The following LDB2 variants were observed in gnomAD, a reference collection of about 807,000 sequenced individuals.
LDB2 encodes the protein LIM domain-binding protein 2.
Under a neutral mutation model 44.3 loss-of-function variants are expected in LDB2, and 12 were observed. The ratio of observed to expected loss-of-function variants is 0.27; its 90% confidence interval spans 0.17 to 0.44. The LOEUF (loss-of-function observed/expected upper bound fraction) is 0.44. Ranked by LOEUF, LDB2 falls within the 20% of genes least tolerant of loss-of-function variation. The pLI is 1.00. For missense variants in LDB2, 344 were observed against 473.5 expected (o/e 0.73, Z 2.54); for synonymous variants, 164 against 174.8 (o/e 0.94, Z 0.49).
intron 1 of LDB2, among the ~76,000 whole-genome samples, chr4:16,763,566 A>G (rs1181612366): frequency 2.0e-5 from 3 of 152,154 alleles, no homozygotes; most frequent in Non-Finnish European, 4.4e-5. Flanking sequence ...AAAAATTACT[A>G]AGTGTTGGGT....
chr4:16,564,840 A>C (rs1424338749), intron 5 of LDB2, among the ~76,000 whole-genome samples: 1 of 152,198 alleles, frequency 6.6e-6, no homozygotes, highest in Non-Finnish European at 1.5e-5. Flanking sequence ...AAGTGAAATA[A>C]CTTCAGTGCC....
chr4:16,628,890 A>T (rs1731075459), intron 2 of LDB2, among the ~76,000 whole-genome samples: 1 of 152,204 alleles, frequency 6.6e-6, no homozygotes, highest in Non-Finnish European at 1.5e-5. Context: ...GAAGCAGTAC[A>T]CTTCTGCCCA....
rs192144720 is a variant in LDB2, at chr4:16,738,385, A to G, written c.235+20773T>C. Among the ~76,000 whole-genome samples the G allele has an allele frequency of 3.3e-5, 5 of 152,334 alleles. No homozygotes were observed. The East Asian group carries it at 9.6e-4, about 29-fold the overall frequency. ...AGGAAGAAGAAGGAAACAGAGAAAC[A>G]GGAAGAGGAGGAGGAGGAAGGTGAG... On this transcript the variant is annotated intron_variant, in intron 2 of 7. Transcript: ENST00000304523.
At chr4:16,874,443 A>G (rs1030334036) in intron 1 of LDB2, among the ~76,000 whole-genome samples, 17 of 152,160 alleles carry the variant, frequency 1.1e-4, no homozygotes, top group African/African-American at 3.6e-4. Context: ...TCAAGCCATC[A>G]TTGTCATTGT....
chr4:16,866,815 T>C (rs1714859367), intron 1 of LDB2, among the ~76,000 whole-genome samples: 1 of 152,180 alleles, frequency 6.6e-6, no homozygotes, highest in South Asian at 2.1e-4. Flanking sequence ...GAACCAAAAA[T>C]GGGCCTGTGT....
intron 2 of LDB2, among the ~76,000 whole-genome samples, chr4:16,695,608 T>A (rs1319793644): frequency 2.6e-5 from 4 of 152,186 alleles, no homozygotes; most frequent in Non-Finnish European, 4.4e-5. Flanking sequence ...ATTGTCAATT[T>A]TTTTCTGTAA....
At chr4:16,704,430 A>G (rs1754152866) in intron 2 of LDB2, among the ~76,000 whole-genome samples, 1 of 152,196 alleles carries the variant, frequency 6.6e-6, no homozygotes, top group African/African-American at 2.4e-5. Flanking sequence ...TTTTGATGGT[A>G]TGGGGAGTAT....
At chr4:16,671,898 C>T (rs1340128592) in intron 2 of LDB2, among the ~76,000 whole-genome samples, 1 of 152,084 alleles carries the variant, frequency 6.6e-6, no homozygotes, top group Non-Finnish European at 1.5e-5. Context: ...TGGGCTGCAG[C>T]TGAATTGGCT....
chr4:16,730,941 A>C (rs1435134291), intron 2 of LDB2, among the ~76,000 whole-genome samples: 2 of 152,222 alleles, frequency 1.3e-5, no homozygotes, highest in Non-Finnish European at 2.9e-5. Flanking sequence ...TGCTACTTAG[A>C]GTTCAAGTTA....
At chr4:16,845,035 AAG>A (rs1484596969) in intron 1 of LDB2, among the ~76,000 whole-genome samples, 1 of 152,170 alleles carries the variant, frequency 6.6e-6, no homozygotes, top group African/African-American at 2.4e-5. Context: ...CTGGCTCTTT[AAG>A]AGTCAACAGC....
At chr4:16,761,345 T>C (rs1195619907) in intron 1 of LDB2, among the ~76,000 whole-genome samples, 1 of 152,148 alleles carries the variant, frequency 6.6e-6, no homozygotes, top group Non-Finnish European at 1.5e-5. Context: ...GAGGCTGTGG[T>C]TAGGATTCAG....
At position 16,533,848 on chromosome 4, in the gene LDB2, T is replaced by C. The variant is rs16893604; in HGVS notation, c.616-21744A>G. On this transcript the variant is annotated intron_variant, in intron 5 of 7. Coordinates refer to ENST00000304523, the MANE Select transcript of LDB2 (RefSeq NM_001290.5). This position sits in a 1 kb window ranked among gnomAD's most constrained non-coding sequence, Gnocchi z 4.1. ...TCTAAGCAAGAGAGTATTTAATGCTTCCAGGCCAGTTCATGCCTACCGAAG... is the reference window on the plus strand; with the variant it reads ...TCTAAGCAAGAGAGTATTTAATGCTCCCAGGCCAGTTCATGCCTACCGAAG... 0.14 allele frequency among the ~76,000 whole-genome samples: 21,207 copies of C among 152,212 alleles called. 1,558 individuals carry two copies. Among genetic ancestry groups the C allele is most frequent in the African/African-American group, 0.15 (6,398 of 41,514 alleles).
chr4:16,838,265 G>C (rs1785247816), intron 1 of LDB2, among the ~76,000 whole-genome samples: 1 of 152,084 alleles, frequency 6.6e-6, no homozygotes, highest in South Asian at 2.1e-4. Flanking sequence ...TCCCTAATTA[G>C]GAGAAATTAA....
At chr4:16,778,639 C>T (rs531937621) in intron 1 of LDB2, among the ~76,000 whole-genome samples, 81 of 152,346 alleles carry the variant, frequency 5.3e-4, no homozygotes, top group Non-Finnish European at 1.0e-3. Flanking sequence ...AGCCCAATTA[C>T]TACCTGTTGA....
chr4:16,811,942 TA>T (rs1779952111), intron 1 of LDB2, among the ~76,000 whole-genome samples: 1 of 152,220 alleles, frequency 6.6e-6, no homozygotes, highest in Non-Finnish European at 1.5e-5. Flanking sequence ...TTTTTCCAAA[TA>T]TTTTTTTCCA....
At chr4:16,585,230 C>T (rs764471245) in intron 5 of LDB2, among the ~76,000 whole-genome samples, 10 of 152,162 alleles carry the variant, frequency 6.6e-5, no homozygotes, top group Non-Finnish European at 1.0e-4. Flanking sequence ...GAGCACCCGC[C>T]GTCCACCCAC....
intron 5 of LDB2, among the ~76,000 whole-genome samples, chr4:16,563,423 C>G (rs1168225652): frequency 8.4e-6 from 1 of 119,140 alleles, no homozygotes; most frequent in Admixed American, 1.0e-4. Context: ...TCTCATCAGT[C>G]ATCAGATTTT....
chr4:16,679,291 AGAAAG>A (rs1262642257), intron 2 of LDB2, among the ~76,000 whole-genome samples: 1 of 152,162 alleles, frequency 6.6e-6, no homozygotes, highest in Non-Finnish European at 1.5e-5. Context: ...AAGTGAGAGA[AGAAAG>A]GAGGAGGAGA....
intron 1 of LDB2, among the ~76,000 whole-genome samples, chr4:16,877,648 A>G (rs2110401294): frequency 6.6e-6 from 1 of 152,362 alleles, no homozygotes; most frequent in East Asian, 1.9e-4. Flanking sequence ...AGCCATACAC[A>G]TACATATATC....
Sources: allele counts gnomAD v4.1 joint callset (sites outside exome capture counted in the v4.1 genomes callset), GRCh38; gene constraint gnomAD v4.1.1; non-coding constraint Gnocchi (gnomAD v3.1); transcripts MANE v1.5; gene names NCBI Gene and HGNC (gene_info 2026-07-23, HGNC 2026-07-21).